The following PPP3CA variants were observed in gnomAD, a reference collection of about 807,000 sequenced individuals.
PPP3CA encodes the protein protein phosphatase 3 catalytic subunit alpha.
In PPP3CA, 14 loss-of-function variants were observed where a neutral mutation model predicts 66.5. The observed-to-expected ratio is 0.21, with a 90% CI of 0.14 to 0.33. PPP3CA has a LOEUF of 0.33. PPP3CA is among the 10% of genes least tolerant of loss of function. The pLI, the probability that PPP3CA is intolerant of heterozygous loss-of-function variation, is 1.00. For missense variants in PPP3CA, 317 were observed against 639.5 expected, an observed-to-expected ratio of 0.50 and a Z score of 5.44; for synonymous variants, 232 against 226.2, an observed-to-expected ratio of 1.03 and a Z score of -0.23.
At chr4:101,078,581 T>C (rs1363078110) in intron 8 of PPP3CA, among the ~76,000 whole-genome samples, 8 of 152,210 alleles carry the variant, frequency 5.3e-5, no homozygotes, top group Admixed American at 5.2e-4. Flanking sequence ...CCCAAATGTC[T>C]TACTTTGTCA....
At chr4:101,298,873 G>A (rs1313106652) in intron 1 of PPP3CA, among the ~76,000 whole-genome samples, 2 of 147,428 alleles carry the variant, frequency 1.4e-5, no homozygotes, top group East Asian at 3.9e-4. Flanking sequence ...GTGTGTGTGT[G>A]TGTGTGTGTG....
At chr4:101,273,253 A>C (rs1274448331) in intron 1 of PPP3CA, among the ~76,000 whole-genome samples, 8 of 152,086 alleles carry the variant, frequency 5.3e-5, no homozygotes, top group Non-Finnish European at 1.2e-4. Context: ...CACATTTTTC[A>C]TTCAGAGATT....
chr4:101,226,127 C>T (rs982363217), intron 1 of PPP3CA, among the ~76,000 whole-genome samples: 5 of 151,694 alleles, frequency 3.3e-5, no homozygotes, highest in African/African-American at 1.2e-4. Context: ...AGGTCTTTAA[C>T]ACTAGTGAAC....
Position 101,077,182 on chromosome 4 carries a change from A to G in PPP3CA, c.955+3350T>C, listed in dbSNP as rs1729233271. On this transcript the variant is annotated intron_variant, in intron 8 of 13. Coordinates refer to ENST00000394854, the MANE Select transcript of PPP3CA (RefSeq NM_000944.5). ...AATTACAGATAAGTATGAACTACTA[A>G]TAAGAAATACTGGGCATTTAAATAT... 2.0e-5 allele frequency among the ~76,000 whole-genome samples: 3 copies of G among 152,234 alleles called. No individual in the cohort carries two copies. In the South Asian group the frequency reaches 6.2e-4, roughly 31 times the overall value.
Position 101,104,724 on chromosome 4 carries a change from TTAAAG to T in PPP3CA, c.384+4225_384+4229del, listed in dbSNP as rs569686871. On this transcript the variant is annotated intron_variant, in intron 3 of 13. Coordinates refer to ENST00000394854, the MANE Select transcript of PPP3CA (RefSeq NM_000944.5). ...TTCCTTAATCCACAATAAAAAATCC[TTAAAG>T]TATTTTCAGTAGGTACATTTTATAT... 1.7e-3 allele frequency among the ~76,000 whole-genome samples: 266 copies of T among 152,326 alleles called. 1 individual carries two copies. The highest frequency in any genetic ancestry group is 4.2e-3 in the Admixed American group (65 of 15,302).
At chr4:101,284,781 C>T (rs78650301) in intron 1 of PPP3CA, among the ~76,000 whole-genome samples, 2 of 152,040 alleles carry the variant, frequency 1.3e-5, no homozygotes, top group Non-Finnish European at 2.9e-5. Flanking sequence ...AATCTGGGAG[C>T]AACTACATTT....
intron 1 of PPP3CA, among the ~76,000 whole-genome samples, chr4:101,206,678 T>C (rs1207347347): frequency 1.3e-5 from 2 of 152,236 alleles, no homozygotes; most frequent in South Asian, 4.1e-4. Context: ...ATTGAGTGTC[T>C]AGTCCAGTAC....
chr4:101,195,955 G>C lies in PPP3CA; in HGVS notation c.220C>G (p.Gln74Glu), dbSNP rs768666798. ...TCAATATCCAGCAAATTTTTTTCCT[G>C]TCGAAGAATTGATGCACCCTCTGTT... ...IITEGASILR[Q>E]EKNLLDIDAP... Residue 74 changes from glutamine to glutamate, a missense_variant, in exon 2 of 14, where the codon CAG (glutamine) becomes GAG (glutamate). Around this residue, in one of 3 missense-constraint regions of PPP3CA, gnomAD observed 76 missense variants for 99.5 expected, o/e 0.76. Transcript: ENST00000394854. The C allele has an allele frequency of 6.2e-7, 1 of 1,613,686 alleles. No individual in the cohort carries two copies. Among genetic ancestry groups the C allele is most frequent in the Admixed American group, 1.7e-5 (1 of 59,956 alleles).
chr4:101,079,381 T>C (rs114669856), intron 8 of PPP3CA, among the ~76,000 whole-genome samples: 9,640 of 145,520 alleles, frequency 0.066, 742 homozygotes, highest in African/African-American at 0.19. Flanking sequence ...CCATTTCTCT[T>C]TTTTTTTTTT....
intron 10 of PPP3CA, among the ~76,000 whole-genome samples, chr4:101,049,718 C>G (rs867785777): frequency 2.0e-5 from 3 of 151,948 alleles, no homozygotes; most frequent in African/African-American, 7.3e-5. Context: ...ATGACATTTA[C>G]ATGTTATCTC....
chr4:101,333,788 C>T (rs1037546136), intron 1 of PPP3CA, among the ~76,000 whole-genome samples: 1 of 152,190 alleles, frequency 6.6e-6, no homozygotes, highest in Non-Finnish European at 1.5e-5. Context: ...AAAGCACAGT[C>T]TATGAAGGCA....
intron 1 of PPP3CA, among the ~76,000 whole-genome samples, chr4:101,259,916 T>C (rs1176687159): frequency 6.6e-6 from 1 of 152,118 alleles, no homozygotes; most frequent in Non-Finnish European, 1.5e-5. Flanking sequence ...CCAAAGTATA[T>C]GTTTAAATAA....
At chr4:101,275,061 C>A (rs1017631020) in intron 1 of PPP3CA, among the ~76,000 whole-genome samples, 6 of 152,118 alleles carry the variant, frequency 3.9e-5, no homozygotes, top group Admixed American at 3.3e-4. Flanking sequence ...TTTAACATGG[C>A]AGAAAGTCTT....
chr4:101,046,078 G>A (rs1265641110), intron 10 of PPP3CA, among the ~76,000 whole-genome samples: 1 of 152,162 alleles, frequency 6.6e-6, no homozygotes, highest in Non-Finnish European at 1.5e-5. Context: ...AACAGGGGAG[G>A]ATGCATGAGC....
intron 2 of PPP3CA, 34 bp from the exon 3 acceptor site, chr4:101,109,112 T>C: frequency 1.2e-6 from 2 of 1,600,666 alleles, no homozygotes; most frequent in South Asian, 1.1e-5. Flanking sequence ...ATGGTCATAT[T>C]ATGTTAGGAC....
chr4:101,084,935 C>T (rs1465300632), intron 6 of PPP3CA, among the ~76,000 whole-genome samples: 1 of 152,114 alleles, frequency 6.6e-6, no homozygotes, highest in East Asian at 1.9e-4. Flanking sequence ...CATCTGGTAC[C>T]CAGAATCAGG....
At chr4:101,129,213 C>A (rs1243230159) in intron 2 of PPP3CA, among the ~76,000 whole-genome samples, 1 of 152,192 alleles carries the variant, frequency 6.6e-6, no homozygotes, top group Non-Finnish European at 1.5e-5. Context: ...CCTCTCTGGG[C>A]AGGGCATCTC....
intron 1 of PPP3CA, among the ~76,000 whole-genome samples, chr4:101,219,169 TC>T (rs1156531459): frequency 1.3e-5 from 2 of 152,156 alleles, no homozygotes; most frequent in African/African-American, 4.8e-5. Flanking sequence ...AATTTTATGG[TC>T]TTGTGCTTCA....
At chr4:101,049,125 TAA>T (rs1243537037) in intron 10 of PPP3CA, among the ~76,000 whole-genome samples, 1 of 152,172 alleles carries the variant, frequency 6.6e-6, no homozygotes, top group African/African-American at 2.4e-5. Context: ...TGTTTAATTA[TAA>T]GTCACTTTCA....
Sources: allele counts gnomAD v4.1 joint callset (sites outside exome capture counted in the v4.1 genomes callset), GRCh38; gene constraint gnomAD v4.1.1; regional missense constraint gnomAD v4.1.1; transcripts MANE v1.5; gene names NCBI Gene and HGNC (gene_info 2026-07-23, HGNC 2026-07-21).